Variants in KLF8 observed in about 807,000 individuals in gnomAD.
KLF8 encodes KLF transcription factor 8, also known as Krueppel-like factor 8.
A neutral mutation model predicts 18.2 loss-of-function variants in KLF8; 10 were observed. The observed-to-expected ratio is 0.55, with a 90% confidence interval of 0.34 to 0.93. The LOEUF is 0.93. Ranked by LOEUF, KLF8 falls within the 40% of genes least tolerant of loss-of-function variation. KLF8 has a pLI of 0.02. For synonymous variants in KLF8, 109 were observed against 97.3 expected (o/e 1.12, Z -0.71); for missense variants, 264 against 277.9 (o/e 0.95, Z 0.36).
At chrX:56,051,806 A>G in the KLF8 span, among the ~76,000 whole-genome samples, 88 of 106,987 alleles carry the variant, frequency 8.2e-4, no homozygotes, top group Middle Eastern at 9.3e-3. Context: ...CTGAATCTGA[A>G]CGTTGGCCTG....
chrX:55,987,971 T>A, the KLF8 span, among the ~76,000 whole-genome samples: 10 of 112,619 alleles, frequency 8.9e-5, no homozygotes, highest in African/African-American at 6.4e-5. Flanking sequence ...GCATTTTTTC[T>A]TGTGTCTTTT....
At chrX:56,174,455 C>T in the KLF8 span, among the ~76,000 whole-genome samples, 1 of 111,792 alleles carries the variant, frequency 8.9e-6, no homozygotes, top group Non-Finnish European at 1.9e-5. Flanking sequence ...CCCACTTGAT[C>T]ATGGTTGATA....
At chrX:56,007,876 T>C in the KLF8 span, among the ~76,000 whole-genome samples, 1 of 110,975 alleles carries the variant, frequency 9.0e-6, no homozygotes, top group African/African-American at 3.3e-5. Flanking sequence ...GATGGGATGA[T>C]TTGTTCAGCA....
chrX:56,189,563 A>G, the KLF8 span, among the ~76,000 whole-genome samples: 14 of 111,143 alleles, frequency 1.3e-4, no homozygotes, highest in Non-Finnish European at 2.5e-4. Context: ...ATAAAATCAC[A>G]TGCACACATA....
the KLF8 span, among the ~76,000 whole-genome samples, chrX:56,179,771 C>G: frequency 9.0e-6 from 1 of 111,642 alleles, no homozygotes; most frequent in Non-Finnish European, 1.9e-5. Flanking sequence ...GTCTTTGCTT[C>G]TGTTTATATG....
the KLF8 span, among the ~76,000 whole-genome samples, chrX:56,144,852 G>A: frequency 9.3e-6 from 1 of 107,588 alleles, no homozygotes; most frequent in Non-Finnish European, 1.9e-5. Flanking sequence ...GAGTGTGGTG[G>A]CACCATCTCA....
chrX:56,031,797 G>A, the KLF8 span, among the ~76,000 whole-genome samples: 5 of 111,173 alleles, frequency 4.5e-5, no homozygotes. Flanking sequence ...TGGAAGGATC[G>A]GCAGACTAAT....
the KLF8 span, among the ~76,000 whole-genome samples, chrX:56,144,458 C>T: frequency 9.1e-6 from 1 of 109,866 alleles, no homozygotes; most frequent in African/African-American, 3.3e-5. Flanking sequence ...ATAAAGAACA[C>T]TTTTCTTTCG....
the KLF8 span, among the ~76,000 whole-genome samples, chrX:56,197,482 AT>A: frequency 2.7e-5 from 3 of 112,092 alleles, no homozygotes; most frequent in African/African-American, 9.7e-5. Flanking sequence ...AAACTAGAAA[AT>A]CTAGAAGAAA....
chrX:56,257,069 A>G (rs1387213981), intron 2 of KLF8, among the ~76,000 whole-genome samples: 1 of 111,763 alleles, frequency 8.9e-6, no homozygotes, highest in Non-Finnish European at 1.9e-5. Context: ...TTAATAAATT[A>G]ATGTTTTATA....
At chrX:56,003,522 G>A in the KLF8 span, among the ~76,000 whole-genome samples, 3 of 111,218 alleles carry the variant, frequency 2.7e-5, no homozygotes, top group South Asian at 1.1e-3. Flanking sequence ...AGCCCAGTGG[G>A]ATTGAAAAAA....
the KLF8 span, among the ~76,000 whole-genome samples, chrX:56,068,419 G>A: frequency 9.1e-6 from 1 of 110,183 alleles, no homozygotes; most frequent in Non-Finnish European, 1.9e-5. Context: ...GACCCCACCC[G>A]ACTCTGCCAC....
chrX:55,969,530 C>A, the KLF8 span, among the ~76,000 whole-genome samples: 1 of 111,168 alleles, frequency 9.0e-6, no homozygotes, highest in Non-Finnish European at 1.9e-5. Context: ...TTTAATGATG[C>A]ATCTTGAAGA....
chrX:56,291,259 C>T lies in KLF8; in HGVS notation c.*6765C>T, dbSNP rs1281452295. On this transcript the variant is annotated 3_prime_UTR_variant, in exon 6 of 6. Transcript: ENST00000468660. ...ATTATTTTAGTGCTTTAGAGCAACA[C>T]CTTGTTTTTCCTCTATTTTATACTA... Among the ~76,000 whole-genome samples, 1 of 111,810 alleles carries T rather than the reference C, an allele frequency of 8.9e-6. No homozygotes were observed. The highest frequency in any genetic ancestry group is 1.9e-5 in the Non-Finnish European group (1 of 53,108).
chrX:55,915,087 T>C, the KLF8 span, among the ~76,000 whole-genome samples: 1 of 110,914 alleles, frequency 9.0e-6, no homozygotes, highest in Non-Finnish European at 1.9e-5. Context: ...ATGAGACTGG[T>C]ACTTTGTGGG....
chrX:56,207,780 T>C, the KLF8 span, among the ~76,000 whole-genome samples: 2 of 110,456 alleles, frequency 1.8e-5, no homozygotes, highest in Non-Finnish European at 3.8e-5. Context: ...TGCTTCCACA[T>C]TTTTGGGTAT....
intron 1 of KLF8, among the ~76,000 whole-genome samples, chrX:56,239,188 C>T (rs2066514797): frequency 9.0e-6 from 1 of 111,682 alleles, no homozygotes; most frequent in African/African-American, 3.3e-5. Context: ...TTATTTTATG[C>T]ATAATTGTTT....
At chrX:55,983,970 G>T in the KLF8 span, among the ~76,000 whole-genome samples, 2 of 108,615 alleles carry the variant, frequency 1.8e-5, no homozygotes, top group Non-Finnish European at 3.8e-5. Flanking sequence ...TCTTCTTTAT[G>T]GCTGTGTAGT....
chrX:56,103,480 A>G, the KLF8 span, among the ~76,000 whole-genome samples: 3 of 111,296 alleles, frequency 2.7e-5, no homozygotes, highest in Non-Finnish European at 5.7e-5. Flanking sequence ...GCAATTGTGA[A>G]TGGGAGTTCA....
Sources: gnomAD v4.1 joint callset for allele counts (sites outside exome capture counted in the v4.1 genomes callset) on GRCh38, gnomAD v4.1.1 for gene constraint, MANE v1.5 for transcripts, NCBI Gene and HGNC (gene_info 2026-07-23, HGNC 2026-07-21) for gene names.